Variants in PDE1C observed in about 807,000 individuals in gnomAD.
PDE1C encodes dual specificity calcium/calmodulin-dependent 3',5'-cyclic nucleotide phosphodiesterase 1C.
A neutral mutation model predicts 93.1 loss-of-function variants in PDE1C; 62 were observed. That is an observed-to-expected ratio of 0.67 (90% CI 0.54 to 0.82). The LOEUF (loss-of-function observed/expected upper bound fraction) is 0.82, where lower values mean the gene tolerates loss of function less well. Among genes scored for constraint, PDE1C ranks in the 40% least tolerant of loss-of-function variants. The pLI is 0.00. For missense variants in PDE1C, 742 were observed against 884.6 expected (o/e 0.84, Z 2.04); for synonymous variants, 325 against 310.1 (o/e 1.05, Z -0.50).
At chr7:32,200,911 T>G (rs1002972669) in intron 2 of PDE1C, among the ~76,000 whole-genome samples, 5 of 152,232 alleles carry the variant, frequency 3.3e-5, no homozygotes, top group Middle Eastern at 3.2e-3. Flanking sequence ...ATCTGCCATA[T>G]GTTTTAAGAG....
At chr7:32,287,769 G>T (rs1812087219) in intron 1 of PDE1C, among the ~76,000 whole-genome samples, 1 of 152,194 alleles carries the variant, frequency 6.6e-6, no homozygotes, top group African/African-American at 2.4e-5. Flanking sequence ...TCCCTCCTGG[G>T]TTTTAAATGG....
At chr7:32,168,171 C>T (rs376979822) in intron 3 of PDE1C, among the ~76,000 whole-genome samples, 18 of 152,178 alleles carry the variant, frequency 1.2e-4, no homozygotes, top group African/African-American at 4.3e-4. Flanking sequence ...CATGCACCTG[C>T]TGTCTTTTTC....
At chr7:32,050,194 C>T (rs1793160057) in intron 2 of PDE1C, among the ~76,000 whole-genome samples, 3 of 152,166 alleles carry the variant, frequency 2.0e-5, no homozygotes, top group East Asian at 1.9e-4. Context: ...ATGGGACCAC[C>T]TAACTCAAGA....
At chr7:31,827,358 C>A (rs978450860) in intron 12 of PDE1C, among the ~76,000 whole-genome samples, 37 of 152,094 alleles carry the variant, frequency 2.4e-4, no homozygotes, top group Non-Finnish European at 4.4e-5. Flanking sequence ...AAATATTATC[C>A]CTTAATAAAC....
chr7:32,198,472 G>A (rs1369861859), intron 2 of PDE1C, among the ~76,000 whole-genome samples: 1 of 152,174 alleles, frequency 6.6e-6, no homozygotes, highest in African/African-American at 2.4e-5. Context: ...TTATATCTCT[G>A]TTGAGTGAGA....
chr7:31,909,965 C>T (rs1801031976), intron 2 of PDE1C, among the ~76,000 whole-genome samples: 1 of 152,154 alleles, frequency 6.6e-6, no homozygotes, highest in Non-Finnish European at 1.5e-5. Context: ...CCACGAGATG[C>T]CAGTAGCATC....
At chr7:31,951,441 T>C (rs543512443) in intron 2 of PDE1C, among the ~76,000 whole-genome samples, 1 of 152,316 alleles carries the variant, frequency 6.6e-6, no homozygotes, top group South Asian at 2.1e-4. Context: ...TGTCTTCCCC[T>C]CATCAAGGGG....
In PDE1C at chr7:31,849,386, T is replaced by C. The variant is rs142039891; in HGVS notation, c.851+1255A>G. 5.9e-5 allele frequency among the ~76,000 whole-genome samples: 9 copies of C among 152,268 alleles called. No homozygotes were observed. In the East Asian group the frequency reaches 1.7e-3, roughly 29 times the overall value. The stretch of plus-strand genomic sequence containing the variant: ...GTGCTACTCTATGGAATTCCCTGTA[T>C]TAAAGGGAATTCTGTTCCCTTGGAA... On this transcript the variant is annotated intron_variant, in intron 8 of 17. Coordinates refer to ENST00000396191, the MANE Select transcript of PDE1C (RefSeq NM_001191057.4).
chr7:32,399,576 TTTAAC>T (rs1784904000), intron 1 of PDE1C, among the ~76,000 whole-genome samples: 1 of 124,806 alleles, frequency 8.0e-6, no homozygotes, highest in African/African-American at 2.9e-5. Flanking sequence ...TATGACTTCA[TTTAAC>T]TTTTTTTTTT....
At chr7:31,795,974 T>C (rs1201287726) in intron 16 of PDE1C, among the ~76,000 whole-genome samples, 1 of 151,484 alleles carries the variant, frequency 6.6e-6, no homozygotes, top group African/African-American at 2.4e-5. Flanking sequence ...AAAAACCTTT[T>C]AGAGTTTAAT....
At chr7:32,174,348 C>G (rs1220864084) in intron 2 of PDE1C, among the ~76,000 whole-genome samples, 2 of 151,980 alleles carry the variant, frequency 1.3e-5, no homozygotes, top group Non-Finnish European at 2.9e-5. Context: ...CCAAGGGAAC[C>G]CACAAGCAAT....
chr7:32,107,258 G>GAGAA (rs74416079), intron 3 of PDE1C, among the ~76,000 whole-genome samples: 29,860 of 147,662 alleles, frequency 0.2, 3,670 homozygotes, highest in Middle Eastern at 0.29. Context: ...GAGACAAAGA[G>GAGAA]AGACAGGTAG....
At chr7:31,821,824 G>A (rs1789003173) in intron 14 of PDE1C, among the ~76,000 whole-genome samples, 1 of 152,082 alleles carries the variant, frequency 6.6e-6, no homozygotes, top group Non-Finnish European at 1.5e-5. Flanking sequence ...TGAGGCTGCT[G>A]CTTTCCTACA....
At chr7:31,806,493 G>T (rs1786843917) in intron 16 of PDE1C, among the ~76,000 whole-genome samples, 1 of 151,908 alleles carries the variant, frequency 6.6e-6, no homozygotes, top group South Asian at 2.1e-4. Context: ...TACTTTCAAA[G>T]GACATCCATT....
chr7:31,754,660 T>G (rs541052541), intron 17 of PDE1C, among the ~76,000 whole-genome samples: 1 of 152,334 alleles, frequency 6.6e-6, no homozygotes, highest in African/African-American at 2.4e-5. Context: ...TAGCATATGA[T>G]TCCACTTATA....
rs187312676 is a variant in PDE1C at position 32,396,331 on chromosome 7, G to T, written c.310+31491C>A. ...CTGTCTCTATAAAAATACAAAAATT[G>T]GCTGGGCATGGTGGTGCGTGCCTGT... On this transcript the variant is annotated intron_variant, in intron 1 of 1. Transcript: ENST00000672256. Among the ~76,000 whole-genome samples the T allele has an allele frequency of 3.4e-3, 514 of 152,024 alleles. 5 individuals carry two copies. The highest frequency in any genetic ancestry group is 0.012 in the African/African-American group (483 of 41,464).
the PDE1C span, among the ~76,000 whole-genome samples, chr7:31,735,546 C>T: frequency 6.6e-6 from 1 of 152,188 alleles, no homozygotes; most frequent in Non-Finnish European, 1.5e-5. Context: ...CTGCCCTGGA[C>T]ACTTAGTAGC....
the PDE1C span, among the ~76,000 whole-genome samples, chr7:31,704,995 T>A: frequency 6.6e-6 from 1 of 152,252 alleles, no homozygotes; most frequent in East Asian, 1.9e-4. Context: ...AGCAATGATA[T>A]CCATGAAATC....
Position 31,847,971 on chromosome 7 carries a change from C to T in PDE1C, c.977G>A (p.Trp326Ter). Residue 326 changes from tryptophan (W) to a stop codon, truncating the protein, a stop_gained, in exon 9 of 18, where the codon TGG becomes TAG. Coordinates refer to ENST00000396191, the MANE Select transcript of PDE1C (RefSeq NM_001191057.4). LOFTEE classifies it high-confidence loss of function. ...CTCTCTCTTTTCTCATCCTTACCTC[C>T]AGTCATCCTTTGAGAGGTTAATCAA... is the stretch of plus-strand genomic sequence containing the variant. ...NILINLSKDD[W>*]REFRTLVIEM... 6.2e-7 allele frequency: 1 copy of T among 1,612,436 alleles called. No homozygotes were observed.
Sources: allele counts gnomAD v4.1 joint callset (sites outside exome capture counted in the v4.1 genomes callset), GRCh38; gene constraint gnomAD v4.1.1; transcripts MANE v1.5; gene names NCBI Gene and HGNC (gene_info 2026-07-23, HGNC 2026-07-21).